Variants in CNTRL observed in about 807,000 individuals in gnomAD.
The protein encoded by CNTRL is 110 kDa centrosomal protein.
In CNTRL, 233 loss-of-function variants were observed where a neutral mutation model predicts 303.7. The ratio of observed to expected loss-of-function variants is 0.77; its 90% CI spans 0.69 to 0.86. CNTRL has a LOEUF of 0.86. Among genes scored for constraint, CNTRL ranks in the 40% least tolerant of loss-of-function variants. The pLI, the probability that CNTRL is intolerant of heterozygous loss-of-function variation, is 0.00. For synonymous variants in CNTRL, 900 were observed against 922.2 expected (o/e 0.98, Z 0.44); for missense variants, 2,524 against 2,650.6 (o/e 0.95, Z 1.05).
intron 40 of CNTRL, among the ~76,000 whole-genome samples, chr9:121,172,940 C>T (rs1311337344): frequency 6.6e-6 from 1 of 152,196 alleles, no homozygotes; most frequent in African/African-American, 2.4e-5. Flanking sequence ...TACTGGAAAT[C>T]AGATTGGTAA....
rs2053480653 is a variant in CNTRL, at chr9:121,175,398, C to T, written c.6954+174C>T. On this transcript the variant is annotated intron_variant, in intron 43 of 43. Coordinates refer to ENST00000373855, the MANE Select transcript of CNTRL (RefSeq NM_007018.6). Reference sequence around the variant, plus strand: ...CCTCCCACCTCAGCCTCCCATGTAGCTGGGACTACAGGCACACACCACTTG... The same window carrying T: ...CCTCCCACCTCAGCCTCCCATGTAGTTGGGACTACAGGCACACACCACTTG... 5 of 649,682 alleles carry T rather than the reference C, an allele frequency of 7.7e-6. No homozygotes were observed. The Admixed American group carries it at 1.1e-4, about 14-fold the overall frequency. 40.2% of individuals were successfully genotyped at this position (649,682 alleles called of 1,614,324 possible). A position where few individuals can be genotyped will look rare whatever the true frequency, so the allele number is the denominator to read the frequency against.
At position 121,145,372 on chromosome 9, in the gene CNTRL, C is replaced by T; in HGVS notation, c.3297C>T (p.Asp1099=). The T allele has an allele frequency of 6.2e-7, 1 of 1,608,194 alleles. No homozygotes were observed. Among genetic ancestry groups the T allele is most frequent in the Admixed American group, 1.7e-5 (1 of 58,228 alleles). ...TEIARLQNVL[D]LTGSDNKGGF... ...TTGCAAGGCTGCAGAATGTACTAGACCTCACTGGAAGTGGTAAAGTATTGG... is the reference window on the plus strand; with the variant it reads ...TTGCAAGGCTGCAGAATGTACTAGATCTCACTGGAAGTGGTAAAGTATTGG... Residue 1099 remains aspartate (D), a synonymous_variant, in exon 22 of 44, where the codon GAC becomes GAT. Coordinates refer to ENST00000373855, the MANE Select transcript of CNTRL (RefSeq NM_007018.6).
Position 121,165,067 on chromosome 9 carries a change from AACG to A in CNTRL, c.5551_5553del (p.Asp1851del). Reference sequence around the variant, plus strand: ...AAACAGAGACAAGTTGTCACTGCATAACGACATTTCAGCAATGCAACAGCAGCT... The same window carrying A: ...AAACAGAGACAAGTTGTCACTGCATAACATTTCAGCAATGCAACAGCAGCT... On this transcript the variant is annotated inframe_deletion, in exon 35 of 44. Coordinates refer to ENST00000373855, the MANE Select transcript of CNTRL (RefSeq NM_007018.6). The A allele has an allele frequency of 6.3e-7, 1 of 1,599,620 alleles. No individual in the cohort carries two copies. Among genetic ancestry groups the A allele is most frequent in the Non-Finnish European group, 8.5e-7 (1 of 1,174,588 alleles).
chr9:121,075,078 G>A lies in CNTRL; in HGVS notation c.-205+11G>A. 1 of 399,310 alleles carries A rather than the reference G, an allele frequency of 2.5e-6. No individual in the cohort carries two copies. The highest frequency in any genetic ancestry group is 3.9e-4 in the Middle Eastern group (1 of 2,562). 24.7% of individuals were successfully genotyped at this position (399,310 alleles called of 1,614,324 possible). On this transcript the variant is annotated intron_variant, in intron 1 of 43. Coordinates refer to ENST00000373855, the MANE Select transcript of CNTRL (RefSeq NM_007018.6). ...CTCGGCTTCTAGGCGGTGAGCGTCAGACCTGGCCGAGCCCGTTCCCCGGCA... is the reference window on the plus strand; with the variant it reads ...CTCGGCTTCTAGGCGGTGAGCGTCAAACCTGGCCGAGCCCGTTCCCCGGCA...
At chr9:121,075,195 C>A in intron 1 of CNTRL, 128 bp downstream of exon 1, 1 of 311,138 alleles carries the variant, frequency 3.2e-6, no homozygotes, top group Non-Finnish European at 6.4e-6. Flanking sequence ...GGGGCGGGGG[C>A]GCGTGTCTGG....
intron 25 of CNTRL, 115 bp downstream of exon 25, chr9:121,150,598 G>C: frequency 9.2e-6 from 9 of 980,004 alleles, no homozygotes; most frequent in Non-Finnish European, 1.4e-5. Context: ...AAGTGTGTTT[G>C]TAAGGCTGAT....
At chr9:121,162,345 T>C (rs773065322) in intron 34 of CNTRL, 74 bp downstream of exon 34, 4 of 1,342,932 alleles carry the variant, frequency 3.0e-6, no homozygotes, top group South Asian at 2.4e-5. Flanking sequence ...TATAAAAAAT[T>C]TGGAAAATAG....
intron 35 of CNTRL, among the ~76,000 whole-genome samples, chr9:121,165,629 CAT>C (rs1209354019): frequency 6.6e-6 from 1 of 152,148 alleles, no homozygotes; most frequent in African/African-American, 2.4e-5. Context: ...ACTTAATCCT[CAT>C]AACATTTTTA....
chr9:121,144,896 T>C lies in CNTRL; in HGVS notation c.3105T>C (p.Asp1035=). 2 of 1,613,466 alleles carry C rather than the reference T, an allele frequency of 1.2e-6. No individual in the cohort carries two copies. The highest frequency in any genetic ancestry group is 1.7e-6 in the Non-Finnish European group (2 of 1,179,958). ...FSRKAAQAAR[D]LTRAEAEIEL... The stretch of plus-strand genomic sequence containing the variant: ...GAAAGGCAGCACAAGCAGCCAGAGA[T>C]CTCACCCGAGCAGAAGCTGAGATCG... Residue 1035 remains aspartate, a synonymous_variant, in exon 21 of 44, where the codon GAT becomes GAC. Transcript: ENST00000373855.
Position 121,167,744 on chromosome 9 carries a change from T to A in CNTRL, c.5844+67T>A, listed in dbSNP as rs549373009. 7.5e-4 allele frequency: 1,057 copies of A among 1,410,422 alleles called. 21 individuals carry two copies. The South Asian group carries it at 0.013, about 17-fold the overall frequency. The allele number at this position is 1,410,422 out of a possible 1,614,324, so 87.4% of individuals were successfully genotyped here. A position where few individuals can be genotyped will look rare whatever the true frequency, so the allele number is the denominator to read the frequency against. ...GGCTCATGTGAGCCTATTTTTCCCC[T>A]GGCAGAAAGCTGCTGAGAAATATCC... On this transcript the variant is annotated intron_variant, in intron 37 of 43. Coordinates refer to ENST00000373855, the MANE Select transcript of CNTRL (RefSeq NM_007018.6).
At chr9:121,118,304 GTTC>G (rs768338088) in intron 11 of CNTRL, 39 bp from the exon 12 acceptor site, 1 of 1,385,770 alleles carries the variant, frequency 7.2e-7, no homozygotes, top group Non-Finnish European at 9.7e-7. Context: ...AATCAGTGTT[GTTC>G]TTCTCTGTTA....
At chr9:121,138,707 T>C (rs1337773798) in intron 16 of CNTRL, 28 bp downstream of exon 16, 1 of 1,607,454 alleles carries the variant, frequency 6.2e-7, no homozygotes, top group East Asian at 2.2e-5. Context: ...TAGAATACAT[T>C]CTTACACAGA....
chr9:121,109,044 G>A (rs1428320162), intron 8 of CNTRL, among the ~76,000 whole-genome samples: 1 of 152,090 alleles, frequency 6.6e-6, no homozygotes, highest in Admixed American at 6.6e-5. Flanking sequence ...ATCTGTGGGG[G>A]ATTGGTTCCA....
chr9:121,145,698 C>A (rs974982968), intron 22 of CNTRL, among the ~76,000 whole-genome samples: 3 of 152,028 alleles, frequency 2.0e-5, no homozygotes, highest in African/African-American at 7.3e-5. Context: ...AGTTCGAGAC[C>A]AGCCTGGCCA....
intron 14 of CNTRL, among the ~76,000 whole-genome samples, chr9:121,134,972 A>T (rs1005527445): frequency 6.6e-6 from 1 of 152,200 alleles, no homozygotes; most frequent in Non-Finnish European, 1.5e-5. Context: ...TAGTATCTAT[A>T]TTTTAAACAA....
At chr9:121,150,065 T>A in intron 24 of CNTRL, 105 bp from the exon 25 acceptor site, 1 of 838,974 alleles carries the variant, frequency 1.2e-6, no homozygotes, top group South Asian at 2.0e-5. Flanking sequence ...ATCTGCAGTA[T>A]CTTGGCTTAA....
chr9:121,143,272 G>A (rs1242765833), intron 19 of CNTRL, among the ~76,000 whole-genome samples: 1 of 152,066 alleles, frequency 6.6e-6, no homozygotes, highest in Admixed American at 6.6e-5. Context: ...AATGTATCTG[G>A]AATATATGTC....
chr9:121,110,593 T>A (rs1183843702), intron 8 of CNTRL, among the ~76,000 whole-genome samples: 1 of 152,154 alleles, frequency 6.6e-6, no homozygotes, highest in East Asian at 1.9e-4. Context: ...AGGCCTGAAC[T>A]GTGTTTTTCA....
In CNTRL at chr9:121,084,649, ATTC is replaced by A. The variant is rs532235784; in HGVS notation, c.-31-3642_-31-3640del. ...AAGCTCCGCCTCCCAGGTTCAAGCT[ATTC>A]TTCTGCCTTGACCTCCTGAGCACCT... is the stretch of plus-strand genomic sequence containing the variant. On this transcript the variant is annotated intron_variant, in intron 2 of 43. Transcript: ENST00000373855. 2.9e-3 allele frequency among the ~76,000 whole-genome samples: 447 copies of A among 151,566 alleles called. 1 individual carries two copies. Among genetic ancestry groups the A allele is most frequent in the Middle Eastern group, 6.8e-3 (2 of 292 alleles).
Sources: gnomAD v4.1 joint callset for allele counts (sites outside exome capture counted in the v4.1 genomes callset) on GRCh38, gnomAD v4.1.1 for gene constraint, MANE v1.5 for transcripts, NCBI Gene and HGNC (gene_info 2026-07-23, HGNC 2026-07-21) for gene names.